Variants in ST3GAL6 observed in about 807,000 individuals in gnomAD.
The protein encoded by ST3GAL6 is ST3 beta-galactoside alpha-2,3-sialyltransferase 6, also known as type 2 lactosamine alpha-2,3-sialyltransferase.
ST3GAL6 carries 31 observed loss-of-function variants against 40.5 expected under a neutral mutation model. The observed-to-expected ratio is 0.77, with a 90% confidence interval of 0.58 to 1.03. The LOEUF is 1.03. ST3GAL6 is among the 50% of genes least tolerant of loss of function. The pLI, the probability that ST3GAL6 is intolerant of heterozygous loss-of-function variation, is 0.00. For missense variants in ST3GAL6, 357 were observed against 393.2 expected, an observed-to-expected ratio of 0.91 and a Z score of 0.78; for synonymous variants, 129 against 136.9, an observed-to-expected ratio of 0.94 and a Z score of 0.40.
upstream of ST3GAL6, among the ~76,000 whole-genome samples, chr3:98,759,043 A>G (rs35251261): frequency 9.0e-3 from 1,366 of 152,350 alleles, 13 homozygotes; most frequent in Non-Finnish European, 0.011. Context: ...CTTAACACCT[A>G]ATTATGCTAC....
intron 6 of ST3GAL6, 103 bp downstream of exon 6, chr3:98,785,143 T>C: frequency 3.8e-6 from 3 of 799,694 alleles, no homozygotes; most frequent in Non-Finnish European, 5.9e-6. Context: ...TGTTTCCATT[T>C]GGTTTTTTTT....
At chr3:98,780,046 A>G (rs1266826683) in intron 5 of ST3GAL6, among the ~76,000 whole-genome samples, 3 of 152,254 alleles carry the variant, frequency 2.0e-5, no homozygotes, top group Admixed American at 1.3e-4. Context: ...CCCAAAGGAC[A>G]CTGAAAGTCA....
At chr3:98,763,007 T>C (rs923869308), upstream of ST3GAL6, 1 of 985,426 alleles carries the variant, frequency 1.0e-6, no homozygotes, top group South Asian at 4.7e-5. Flanking sequence ...ACTACCTAAT[T>C]AGTAATAAGG....
At chr3:98,732,806 G>A in intron 1 of ST3GAL6, 2 of 1,450,678 alleles carry the variant, frequency 1.4e-6, no homozygotes, top group African/African-American at 1.5e-5. Flanking sequence ...TGCCCGCGCC[G>A]CCCCTGGCCC....
At chr3:98,783,425 G>A (rs1027181972) in intron 5 of ST3GAL6, 1 of 378,374 alleles carries the variant, frequency 2.6e-6, no homozygotes, top group Non-Finnish European at 3.6e-6. Context: ...AACTGTTTTT[G>A]TTCAGTGTCC....
intron 1 of ST3GAL6, among the ~76,000 whole-genome samples, chr3:98,743,296 C>T (rs1017284942): frequency 2.6e-5 from 4 of 152,056 alleles, no homozygotes; most frequent in African/African-American, 7.2e-5. Context: ...GCTAGGATTA[C>T]AGGCGTGAGC....
chr3:98,791,383 C>T (rs1432197492), intron 8 of ST3GAL6, among the ~76,000 whole-genome samples: 2 of 152,112 alleles, frequency 1.3e-5, no homozygotes, highest in African/African-American at 2.4e-5. Context: ...TATAGCTATT[C>T]GAAGGCGAAT....
chr3:98,788,539 A>C, intron 8 of ST3GAL6, 76 bp downstream of exon 8: 1 of 1,377,256 alleles, frequency 7.3e-7, no homozygotes, highest in South Asian at 1.7e-5. Flanking sequence ...GAACTCTCAG[A>C]AACTGTATGA....
At chr3:98,763,178 AG>A, upstream of ST3GAL6, 1 of 1,197,100 alleles carries the variant, frequency 8.4e-7, no homozygotes, top group Non-Finnish European at 1.1e-6. Context: ...AAAAAAATCT[AG>A]ACATTAATGC....
At position 98,794,938 on chromosome 3, in the gene ST3GAL6, A is replaced by T. The variant is rs754270684; in HGVS notation, c.*1177A>T. 2.6e-5 allele frequency: 4 copies of T among 152,162 alleles called. No homozygotes were observed. The highest frequency in any genetic ancestry group is 5.9e-5 in the Non-Finnish European group (4 of 68,044). The allele number at this position is 152,162 out of a possible 1,614,324, so 9.4% of individuals were successfully genotyped here. ...AGTGAAGTTGGGATTTTTGGATTTAAATGGTACAAAAAGAATATCTCATTT... is the reference window on the plus strand; with the variant it reads ...AGTGAAGTTGGGATTTTTGGATTTATATGGTACAAAAAGAATATCTCATTT... On this transcript the variant is annotated 3_prime_UTR_variant, in exon 10 of 10. Coordinates refer to ENST00000483910, the MANE Select transcript of ST3GAL6 (RefSeq NM_001323368.2).
At chr3:98,780,018 T>C (rs1239267187) in intron 5 of ST3GAL6, among the ~76,000 whole-genome samples, 1 of 152,210 alleles carries the variant, frequency 6.6e-6, no homozygotes. Flanking sequence ...TAATTAAATA[T>C]GTGAAGTTTT....
upstream of ST3GAL6, among the ~76,000 whole-genome samples, chr3:98,758,775 A>G (rs1360238022): frequency 2.6e-5 from 4 of 152,222 alleles, no homozygotes; most frequent in African/African-American, 7.2e-5. Context: ...GGCTTGGTGC[A>G]TGGGAAGCTG....
chr3:98,742,452 CT>C (rs1936173442), intron 1 of ST3GAL6, among the ~76,000 whole-genome samples: 1 of 152,122 alleles, frequency 6.6e-6, no homozygotes, highest in Admixed American at 6.5e-5. Flanking sequence ...CTTACTTGAA[CT>C]TTAATTAGCC....
chr3:98,769,746 T>A (rs1373458214), intron 2 of ST3GAL6, among the ~76,000 whole-genome samples: 1 of 152,242 alleles, frequency 6.6e-6, no homozygotes, highest in East Asian at 1.9e-4. Flanking sequence ...TTAAAAATGA[T>A]TTAAGACATA....
intron 1 of ST3GAL6, among the ~76,000 whole-genome samples, chr3:98,755,431 A>G (rs555841533): frequency 9.9e-5 from 15 of 152,282 alleles, no homozygotes; most frequent in African/African-American, 3.4e-4. Flanking sequence ...GAGTTATTTC[A>G]ACAAGCTCTG....
chr3:98,752,688 G>A (rs1261818044), intron 1 of ST3GAL6, among the ~76,000 whole-genome samples: 1 of 152,100 alleles, frequency 6.6e-6, no homozygotes, highest in Non-Finnish European at 1.5e-5. Context: ...AGCCAGGATG[G>A]TCTCGATCTC....
intron 3 of ST3GAL6, 85 bp from the exon 4 acceptor site, chr3:98,772,728 G>T: frequency 1.2e-6 from 1 of 850,028 alleles, no homozygotes. Context: ...TGGATTATAT[G>T]CTGTAGTTAC....
intron 1 of ST3GAL6, 101 bp downstream of exon 1, chr3:98,763,540 G>A: frequency 9.3e-7 from 1 of 1,081,056 alleles, no homozygotes. Context: ...CTGTGTGGAG[G>A]TAGAAGGGGG....
intron 8 of ST3GAL6, among the ~76,000 whole-genome samples, chr3:98,790,121 A>G (rs1458287481): frequency 6.6e-6 from 1 of 152,236 alleles, no homozygotes; most frequent in Non-Finnish European, 1.5e-5. Context: ...ACTTTTTGCT[A>G]GAACAAGGAT....
Sources: allele counts gnomAD v4.1 joint callset (sites outside exome capture counted in the v4.1 genomes callset), GRCh38; gene constraint gnomAD v4.1.1; transcripts MANE v1.5; gene names NCBI Gene and HGNC (gene_info 2026-07-23, HGNC 2026-07-21).